Variants in PINX1 observed in about 807,000 individuals in gnomAD.
PINX1 encodes PIN2/TERF1-interacting telomerase inhibitor 1.
In PINX1, 34 loss-of-function variants were observed where a neutral mutation model predicts 25.4. The ratio of observed to expected loss-of-function variants is 1.34; its 90% confidence interval spans 1.02 to 1.78. PINX1 has a LOEUF of 1.78. Ranked by LOEUF, PINX1 falls within the 40% of genes most tolerant of loss-of-function variation. PINX1 has a pLI of 0.00. For missense variants in PINX1, 592 were observed against 404.9 expected, an observed-to-expected ratio of 1.46 and a Z score of -3.97; for synonymous variants, 197 against 147.7, an observed-to-expected ratio of 1.33 and a Z score of -2.42.
intron 6 of PINX1, among the ~76,000 whole-genome samples, chr8:10,804,833 G>C (rs1478634006): frequency 2.0e-5 from 3 of 151,690 alleles, no homozygotes; most frequent in South Asian, 4.2e-4. Context: ...AATGTGCTTA[G>C]TGCTTGTACT....
At chr8:10,813,219 A>T (rs1441855449) in intron 6 of PINX1, among the ~76,000 whole-genome samples, 1 of 152,128 alleles carries the variant, frequency 6.6e-6, no homozygotes, top group East Asian at 1.9e-4. Context: ...TGGTGTCCAG[A>T]TGTGGAGTGG....
At chr8:10,817,500 T>A (rs1366894069) in intron 6 of PINX1, among the ~76,000 whole-genome samples, 2 of 152,148 alleles carry the variant, frequency 1.3e-5, no homozygotes. Flanking sequence ...CATATGAACA[T>A]CCACAAGGAT....
intron 6 of PINX1, among the ~76,000 whole-genome samples, chr8:10,772,478 C>A (rs1188005029): frequency 6.6e-6 from 1 of 152,146 alleles, no homozygotes; most frequent in Non-Finnish European, 1.5e-5. Flanking sequence ...CTGAAAACAC[C>A]CAGTGTTTTA....
chr8:10,769,554 T>G (rs1328463562), intron 6 of PINX1, among the ~76,000 whole-genome samples: 2 of 152,194 alleles, frequency 1.3e-5, no homozygotes, highest in African/African-American at 4.8e-5. Flanking sequence ...TTGAGGAAGC[T>G]TCACCCAAAG....
chr8:10,815,083 G>C (rs1157402313), intron 6 of PINX1, among the ~76,000 whole-genome samples: 18 of 152,140 alleles, frequency 1.2e-4, no homozygotes, highest in Non-Finnish European at 5.9e-5. Context: ...TGAGACTACA[G>C]GTGGATGCCA....
At chr8:10,817,818 G>A (rs1797747093) in intron 6 of PINX1, among the ~76,000 whole-genome samples, 3 of 152,168 alleles carry the variant, frequency 2.0e-5, no homozygotes, top group South Asian at 2.1e-4. Context: ...GGTTACTCAC[G>A]ACCCGGAAGC....
chr8:10,825,095 T>A (rs569259874), intron 5 of PINX1, among the ~76,000 whole-genome samples: 1 of 152,056 alleles, frequency 6.6e-6, no homozygotes, highest in Non-Finnish European at 1.5e-5. Flanking sequence ...CAATCCCCAA[T>A]CCACTCAGCT....
intron 5 of PINX1, among the ~76,000 whole-genome samples, chr8:10,821,354 A>G (rs1174214961): frequency 6.6e-6 from 1 of 152,230 alleles, no homozygotes; most frequent in East Asian, 1.9e-4. Context: ...AATTTAATGC[A>G]AAACCAGGTG....
intron 6 of PINX1, among the ~76,000 whole-genome samples, chr8:10,780,825 G>A (rs1801562832): frequency 6.6e-6 from 1 of 152,000 alleles, no homozygotes; most frequent in East Asian, 1.9e-4. Context: ...AATCCCAACG[G>A]CATTCTTAAT....
Position 10,831,661 on chromosome 8 carries a change from C to T in PINX1, c.301+4G>A. The T allele has an allele frequency of 6.3e-7, 1 of 1,581,306 alleles. No homozygotes were observed. The highest frequency in any genetic ancestry group is 8.7e-7 in the Non-Finnish European group (1 of 1,154,394). ...TGAGAACTTATGTCATCTGATTTCC[C>T]TACCTGTGGTTTCCTGCCCATGGCA... On this transcript the variant is annotated splice_donor_region_variant and intron_variant, in intron 4 of 6. Transcript: ENST00000314787.
intron 6 of PINX1, among the ~76,000 whole-genome samples, 178 bp from the exon 7 acceptor site, chr8:10,766,094 T>C (rs1300546545): frequency 1.3e-5 from 2 of 152,062 alleles, no homozygotes; most frequent in Non-Finnish European, 1.5e-5. Context: ...TTGGCCTCTC[T>C]CCCTTCTGGT....
intron 6 of PINX1, among the ~76,000 whole-genome samples, chr8:10,785,397 A>G (rs1242409377): frequency 1.3e-5 from 2 of 152,242 alleles, no homozygotes; most frequent in African/African-American, 2.4e-5. Context: ...CCATCCAATC[A>G]TGCTTCGGTG....
intron 6 of PINX1, 115 bp downstream of exon 6, chr8:10,820,078 A>G (rs1315973708): frequency 1.4e-6 from 1 of 713,202 alleles, no homozygotes; most frequent in Non-Finnish European, 2.6e-6. Context: ...AAGCCTCCAA[A>G]GTGTTTTGGA....
chr8:10,766,783 T>C (rs1230036747), intron 6 of PINX1, among the ~76,000 whole-genome samples: 2 of 152,178 alleles, frequency 1.3e-5, no homozygotes, highest in African/African-American at 2.4e-5. Context: ...GAAAAATGTA[T>C]ATATCTAAAA....
At chr8:10,803,352 G>A (rs1028587577) in intron 6 of PINX1, among the ~76,000 whole-genome samples, 1 of 152,148 alleles carries the variant, frequency 6.6e-6, no homozygotes, top group African/African-American at 2.4e-5. Context: ...CATCTAATGC[G>A]ATCTATCATC....
chr8:10,809,803 T>C (rs922808404), intron 6 of PINX1, among the ~76,000 whole-genome samples: 3 of 152,268 alleles, frequency 2.0e-5, no homozygotes, highest in Admixed American at 6.5e-5. Context: ...TCCTCGTTCA[T>C]CATTCTAATT....
chr8:10,778,547 T>C (rs1260796667), intron 6 of PINX1, among the ~76,000 whole-genome samples: 1 of 152,148 alleles, frequency 6.6e-6, no homozygotes, highest in Non-Finnish European at 1.5e-5. Context: ...CAGCATGTTG[T>C]TTTATGAAAA....
intron 6 of PINX1, among the ~76,000 whole-genome samples, chr8:10,817,930 TA>T (rs35830154): frequency 0.62 from 93,530 of 151,868 alleles, 29,627 homozygotes; most frequent in African/African-American, 0.74. Context: ...GGGGAGGAAT[TA>T]AAAAAAAATT....
chr8:10,794,812 T>C (rs1305124241), intron 6 of PINX1, among the ~76,000 whole-genome samples: 2 of 152,142 alleles, frequency 1.3e-5, no homozygotes, highest in African/African-American at 4.8e-5. Context: ...TGCATGTATG[T>C]TTTTAAGATT....
Sources: gnomAD v4.1 joint callset for allele counts (sites outside exome capture counted in the v4.1 genomes callset) on GRCh38, gnomAD v4.1.1 for gene constraint, MANE v1.5 for transcripts, NCBI Gene and HGNC (gene_info 2026-07-23, HGNC 2026-07-21) for gene names.